RUVBL2: variants seen among roughly 807,000 people sequenced by gnomAD.
RUVBL2 encodes RuvB like AAA ATPase 2, also known as ruvB-like 2.
Under a neutral mutation model 57.9 loss-of-function variants are expected in RUVBL2, and 9 were observed. That is an observed-to-expected ratio of 0.16 (90% CI 0.09 to 0.27). The LOEUF (loss-of-function observed/expected upper bound fraction) is 0.27. Ranked by LOEUF, RUVBL2 falls within the 10% of genes least tolerant of loss-of-function variation. The probability of loss-of-function intolerance (pLI) is 1.00; values close to 1 mark genes in which losing one functional copy is unlikely to be tolerated. For missense variants in RUVBL2, 456 were observed against 669.6 expected, an observed-to-expected ratio of 0.68 and a Z score of 3.52; for synonymous variants, 278 against 264.6, an observed-to-expected ratio of 1.05 and a Z score of -0.49.
intron 4 of RUVBL2, among the ~76,000 whole-genome samples, chr19:49,006,776 A>G (rs2039288748): frequency 6.6e-6 from 1 of 152,226 alleles, no homozygotes; most frequent in African/African-American, 2.4e-5. Context: ...TGGGATTCTA[A>G]GCCAGGCCTG....
At chr19:49,010,770 G>A (rs926145281) in intron 9 of RUVBL2, among the ~76,000 whole-genome samples, 159 bp downstream of exon 9, 8 of 152,030 alleles carry the variant, frequency 5.3e-5, no homozygotes, top group Non-Finnish European at 7.4e-5. Flanking sequence ...CTGCAAGTCC[G>A]CTCCGTCCCC....
chr19:49,014,218 G>C (rs1361426363), intron 11 of RUVBL2, among the ~76,000 whole-genome samples: 1 of 152,274 alleles, frequency 6.6e-6, no homozygotes, highest in Non-Finnish European at 1.5e-5. Flanking sequence ...GAGCACGGGA[G>C]TGGGACCTTG....
At chr19:49,003,242 G>T in intron 2 of RUVBL2, 37 bp from the exon 3 acceptor site, 1 of 1,607,810 alleles carries the variant, frequency 6.2e-7, no homozygotes. Context: ...CAGCAAGCTG[G>T]CTAGTAACTG....
chr19:48,993,585 A>C (rs2038988532), upstream of RUVBL2: 3 of 502,084 alleles, frequency 6.0e-6, no homozygotes, highest in Non-Finnish European at 1.1e-5. Context: ...GGGTGGGATA[A>C]AGAGGAAAGG....
intron 6 of RUVBL2, among the ~76,000 whole-genome samples, chr19:49,008,231 T>A (rs542619295): frequency 8.7e-5 from 13 of 150,252 alleles, no homozygotes; most frequent in Non-Finnish European, 1.0e-4. Context: ...TTTTTATTTT[T>A]ATTTTATTTT....
chr19:49,011,629 G>A lies in RUVBL2; in HGVS notation c.1001+319G>A, dbSNP rs1344864851. Among the ~76,000 whole-genome samples the A allele has an allele frequency of 6.6e-6, 1 of 152,226 alleles. No individual in the cohort carries two copies. The highest frequency in any genetic ancestry group is 1.9e-4 in the East Asian group (1 of 5,196). ...GGGATGTTTTCTAGTCTTGAGGGAA[G>A]CACAGTGACATCTGTTAGACATAAC... On this transcript the variant is annotated intron_variant, in intron 11 of 14. Transcript: ENST00000595090. This position sits in a 1 kb window ranked among gnomAD's most constrained non-coding sequence, Gnocchi z 4.4.
rs754276173 is a variant in RUVBL2 at position 48,999,312 on chromosome 19, C to A, written c.13-7C>A. ...TAGTCCTCTGACACATCTTCTTGCA[C>A]CCCCAGACAGCCACAACCAAAGTCC... On this transcript the variant is annotated splice_polypyrimidine_tract_variant and splice_region_variant and intron_variant, in intron 1 of 14. Transcript: ENST00000595090. 1 of 1,614,094 alleles carries A rather than the reference C, an allele frequency of 6.2e-7. No homozygotes were observed. The highest frequency in any genetic ancestry group is 8.5e-7 in the Non-Finnish European group (1 of 1,179,986).
chr19:48,993,871 C>T, upstream of RUVBL2: 2 of 1,613,948 alleles, frequency 1.2e-6, no homozygotes, highest in Middle Eastern at 1.6e-4. Flanking sequence ...GCTCCTCGCG[C>T]GTTTCCGTTT....
Position 49,015,897 on chromosome 19 carries a change from G to C in RUVBL2, c.*55G>C. 6.2e-7 allele frequency: 1 copy of C among 1,613,962 alleles called. No homozygotes were observed. The highest frequency in any genetic ancestry group is 1.1e-5 in the South Asian group (1 of 91,084). ...TTTTCCACCAGAGTTCTGACACTGTGACTCTGTATAAAATGGTTGGGAAGC... is the reference window on the plus strand; with the variant it reads ...TTTTCCACCAGAGTTCTGACACTGTCACTCTGTATAAAATGGTTGGGAAGC... On this transcript the variant is annotated 3_prime_UTR_variant, in exon 15 of 15. Coordinates refer to ENST00000595090, the MANE Select transcript of RUVBL2 (RefSeq NM_006666.3).
chr19:48,997,301 A>G (rs1389046373), intron 1 of RUVBL2, among the ~76,000 whole-genome samples: 1 of 152,136 alleles, frequency 6.6e-6, no homozygotes, highest in Non-Finnish European at 1.5e-5. Context: ...AATGTTTTCA[A>G]AGTTCATCCA....
chr19:48,993,774 C>T (rs1407366089), upstream of RUVBL2: 7 of 1,187,622 alleles, frequency 5.9e-6, no homozygotes, highest in African/African-American at 7.6e-5. Flanking sequence ...CATAAAGTCC[C>T]GCCACGCCCC....
In RUVBL2 at chr19:49,015,914, T is replaced by C; in HGVS notation, c.*72T>C. On this transcript the variant is annotated 3_prime_UTR_variant, in exon 15 of 15. Coordinates refer to ENST00000595090, the MANE Select transcript of RUVBL2 (RefSeq NM_006666.3). ...GACACTGTGACTCTGTATAAAATGG[T>C]TGGGAAGCTGCACCCACCCTGTGTA... 6.2e-6 allele frequency: 10 copies of C among 1,613,998 alleles called. No individual in the cohort carries two copies. The highest frequency in any genetic ancestry group is 8.5e-6 in the Non-Finnish European group (10 of 1,179,904).
In RUVBL2 at chr19:49,011,318, G is replaced by T; in HGVS notation, c.1001+8G>T. The T allele has an allele frequency of 6.2e-7, 1 of 1,606,340 alleles. No individual in the cohort carries two copies. The highest frequency in any genetic ancestry group is 1.1e-5 in the South Asian group (1 of 90,950). ...CAACCGTGGCATCACGCGGTGAGCC[G>T]GCTACAGGGGCCTCTGGGGAAAACA... On this transcript the variant is annotated splice_region_variant and intron_variant, in intron 11 of 14. Transcript: ENST00000595090. This position sits in a 1 kb window ranked among gnomAD's most constrained non-coding sequence, Gnocchi z 4.4.
intron 2 of RUVBL2, among the ~76,000 whole-genome samples, chr19:49,000,422 G>A (rs1292874320): frequency 6.6e-6 from 1 of 152,078 alleles, no homozygotes; most frequent in Non-Finnish European, 1.5e-5. Context: ...GGGCGTGGTG[G>A]CGCGTGCCTG....
At chr19:49,015,340 A>C in intron 13 of RUVBL2, 190 bp downstream of exon 13, 1 of 771,314 alleles carries the variant, frequency 1.3e-6, no homozygotes, top group Non-Finnish European at 2.1e-6. Flanking sequence ...CTCTTGACTT[A>C]AGTAGATGCT....
chr19:49,015,583 G>A lies in RUVBL2; in HGVS notation c.1263G>A (p.Val421=), dbSNP rs1382254948. 3 of 1,613,634 alleles carry A rather than the reference G, an allele frequency of 1.9e-6. No homozygotes were observed. Among genetic ancestry groups the A allele is most frequent in the African/African-American group, 1.3e-5 (1 of 74,924 alleles). The change falls in exon 14 of 15, where the codon GTG becomes GTA. Residue 421 remains valine (V), a synonymous_variant. Coordinates refer to ENST00000595090, the MANE Select transcript of RUVBL2 (RefSeq NM_006666.3). ...CCCTCCCCCTCCAGGGTACAGAAGT[G>A]CAGGTGGATGACATCAAGCGGGTCT... is the stretch of plus-strand genomic sequence containing the variant. ...LVCRKRKGTE[V]QVDDIKRVYS...
intron 12 of RUVBL2, 44 bp downstream of exon 12, chr19:49,014,647 G>A: frequency 1.9e-6 from 3 of 1,606,856 alleles, no homozygotes; most frequent in Non-Finnish European, 2.6e-6. Context: ...CAGGGCTGGG[G>A]TCTACCCTGT....
intron 11 of RUVBL2, among the ~76,000 whole-genome samples, chr19:49,014,208 G>A (rs1006289980): frequency 1.3e-5 from 2 of 152,208 alleles, no homozygotes; most frequent in Admixed American, 1.3e-4. Flanking sequence ...GCTTTGTGTC[G>A]AGCACGGGAG....
At chr19:49,014,265 C>T (rs996787359) in intron 11 of RUVBL2, among the ~76,000 whole-genome samples, 2 of 152,240 alleles carry the variant, frequency 1.3e-5, no homozygotes, top group African/African-American at 2.4e-5. Flanking sequence ...TAGCTTAAAG[C>T]AGCCCAGCTC....
Sources: gnomAD v4.1 joint callset for allele counts (sites outside exome capture counted in the v4.1 genomes callset) on GRCh38, gnomAD v4.1.1 for gene constraint, Gnocchi (gnomAD v3.1) non-coding constraint, MANE v1.5 for transcripts, NCBI Gene and HGNC (gene_info 2026-07-23, HGNC 2026-07-21) for gene names.